Variants in HEATR5A observed in about 807,000 individuals in gnomAD.
HEATR5A encodes the protein HEAT repeat containing 5A.
In HEATR5A, 178 loss-of-function variants were observed where a neutral mutation model predicts 218.8. The observed-to-expected ratio is 0.81, with a 90% confidence interval of 0.72 to 0.92. The LOEUF (loss-of-function observed/expected upper bound fraction) is 0.92, where lower values mean the gene tolerates loss of function less well. Among genes scored for constraint, HEATR5A ranks in the 40% least tolerant of loss-of-function variants. The pLI, the probability that HEATR5A is intolerant of heterozygous loss-of-function variation, is 0.00. For synonymous variants in HEATR5A, 864 were observed against 871.6 expected, an observed-to-expected ratio of 0.99 and a Z score of 0.15; for missense variants, 2,420 against 2,418.9, an observed-to-expected ratio of 1.00 and a Z score of -0.01.
chr14:31,361,251 A>T (rs1312295059), intron 14 of HEATR5A, among the ~76,000 whole-genome samples: 1 of 152,242 alleles, frequency 6.6e-6, no homozygotes, highest in Non-Finnish European at 1.5e-5. Flanking sequence ...TCCTTTCAAG[A>T]AGGTATACAC....
At chr14:31,415,873 C>T (rs1051014297) in intron 1 of HEATR5A, among the ~76,000 whole-genome samples, 3 of 151,760 alleles carry the variant, frequency 2.0e-5, no homozygotes, top group Admixed American at 1.3e-4. Flanking sequence ...TACAGGACAA[C>T]TAAGTTACTG....
chr14:31,350,765 T>C, intron 16 of HEATR5A, 48 bp from the exon 17 acceptor site: 1 of 543,854 alleles, frequency 1.8e-6, no homozygotes, highest in South Asian at 2.0e-5. Context: ...TAAGTTTTTG[T>C]TTGTTTGTTT....
At chr14:31,349,360 G>A (rs1366397497) in intron 18 of HEATR5A, among the ~76,000 whole-genome samples, 1 of 152,050 alleles carries the variant, frequency 6.6e-6, no homozygotes, top group Non-Finnish European at 1.5e-5. Flanking sequence ...CTCCAGCCTG[G>A]GCGACAGGGT....
At chr14:31,316,435 GATA>G (rs1899914998) in intron 26 of HEATR5A, among the ~76,000 whole-genome samples, 1 of 152,166 alleles carries the variant, frequency 6.6e-6, no homozygotes, top group African/African-American at 2.4e-5. Context: ...GAAGGAGACT[GATA>G]ATGATAGTCA....
intron 17 of HEATR5A, 64 bp from the exon 18 acceptor site, chr14:31,350,043 T>A: frequency 8.8e-7 from 1 of 1,132,404 alleles, no homozygotes; most frequent in Non-Finnish European, 1.2e-6. Flanking sequence ...CAGTTAGGAA[T>A]GTACATTCTG....
Position 31,323,574 on chromosome 14 carries a change from C to A in HEATR5A, c.3778G>T (p.Asp1260Tyr). The A allele has an allele frequency of 6.3e-7, 1 of 1,597,584 alleles. No individual in the cohort carries two copies. The highest frequency in any genetic ancestry group is 1.1e-5 in the South Asian group (1 of 88,986). The change falls in exon 24 of 36, where the codon GAT becomes TAT. Residue 1260 changes from aspartate (D) to tyrosine (Y), a missense_variant. Coordinates refer to ENST00000543095, the MANE Select transcript of HEATR5A (RefSeq NM_015473.4). ...IALAQEMKKRDSRNDFLVLHL... is the reference protein window; with the variant it reads ...IALAQEMKKRYSRNDFLVLHL... ...TCACTATGTCACTTACTTCTTGAAT[C>A]TCTTTTTTTCATTTCTTGTGCTAAA... is the stretch of plus-strand genomic sequence containing the variant.
At chr14:31,319,932 G>C (rs1202803509) in intron 25 of HEATR5A, among the ~76,000 whole-genome samples, 1 of 152,062 alleles carries the variant, frequency 6.6e-6, no homozygotes, top group Non-Finnish European at 1.5e-5. Flanking sequence ...TGTAGTTACA[G>C]CTACTTCAGG....
At chr14:31,363,298 A>C (rs1901690874) in intron 14 of HEATR5A, among the ~76,000 whole-genome samples, 1 of 152,156 alleles carries the variant, frequency 6.6e-6, no homozygotes, top group South Asian at 2.1e-4. Context: ...CTATTGTAAA[A>C]ATCTGAAGGA....
chr14:31,309,252 GATATAGACC>G, intron 28 of HEATR5A, 70 bp from the exon 29 acceptor site: 1 of 1,523,752 alleles, frequency 6.6e-7, no homozygotes, highest in South Asian at 1.2e-5. Flanking sequence ...TCTGTTACAA[GATATAGACC>G]ATTTCCATCA....
intron 24 of HEATR5A, 40 bp downstream of exon 24, chr14:31,323,525 T>C: frequency 6.7e-7 from 1 of 1,502,712 alleles, no homozygotes; most frequent in Non-Finnish European, 9.0e-7. Flanking sequence ...ACAGCATTTT[T>C]ACACATATCA....
intron 33 of HEATR5A, among the ~76,000 whole-genome samples, chr14:31,298,995 C>T (rs547472464): frequency 2.3e-4 from 35 of 152,268 alleles, no homozygotes; most frequent in African/African-American, 8.2e-4. Context: ...TGACCACTCC[C>T]TCTTTATTAA....
chr14:31,344,265 ATTCT>A (rs1900941723), intron 20 of HEATR5A, among the ~76,000 whole-genome samples, 200 bp from the exon 21 acceptor site: 2 of 54,938 alleles, frequency 3.6e-5, no homozygotes, highest in Non-Finnish European at 9.3e-5. Context: ...TAGATTAGTT[ATTCT>A]TTTTTTTTTT....
intron 32 of HEATR5A, among the ~76,000 whole-genome samples, chr14:31,303,992 G>A (rs542185967): frequency 6.6e-6 from 1 of 152,092 alleles, no homozygotes; most frequent in South Asian, 2.1e-4. Flanking sequence ...GATCACTTGA[G>A]GCCAGGAGTT....
At chr14:31,337,925 C>T (rs1375166616) in intron 21 of HEATR5A, among the ~76,000 whole-genome samples, 1 of 152,076 alleles carries the variant, frequency 6.6e-6, no homozygotes, top group Non-Finnish European at 1.5e-5. Context: ...AAAAGAACTA[C>T]AATGGAAAGG....
intron 10 of HEATR5A, 99 bp from the exon 11 acceptor site, chr14:31,380,677 A>T: frequency 4.1e-6 from 3 of 724,462 alleles, no homozygotes; most frequent in Non-Finnish European, 7.0e-6. Context: ...TTCTTACATA[A>T]AATAAATGTA....
chr14:31,414,970 A>G (rs2031397627), intron 1 of HEATR5A, among the ~76,000 whole-genome samples: 1 of 152,122 alleles, frequency 6.6e-6, no homozygotes, highest in Non-Finnish European at 1.5e-5. Flanking sequence ...TCTCCTGAGT[A>G]GCTGGGATTA....
intron 1 of HEATR5A, among the ~76,000 whole-genome samples, chr14:31,410,399 T>G (rs1369334800): frequency 6.6e-6 from 1 of 152,206 alleles, no homozygotes; most frequent in East Asian, 1.9e-4. Context: ...AGCTTTCATC[T>G]AGAAGGAAGC....
chr14:31,302,575 TAAAAAG>T, intron 32 of HEATR5A, 56 bp from the exon 33 acceptor site: 1 of 1,160,460 alleles, frequency 8.6e-7, no homozygotes, highest in Non-Finnish European at 1.2e-6. Flanking sequence ...ATATGGTTTC[TAAAAAG>T]AAATCATCAA....
At chr14:31,338,358 A>C (rs1187714853) in intron 21 of HEATR5A, among the ~76,000 whole-genome samples, 1 of 152,206 alleles carries the variant, frequency 6.6e-6, no homozygotes, top group African/African-American at 2.4e-5. Context: ...AACATTCACC[A>C]AAAATGCTCT....
Sources: gnomAD v4.1 joint callset for allele counts (sites outside exome capture counted in the v4.1 genomes callset) on GRCh38, gnomAD v4.1.1 for gene constraint, MANE v1.5 for transcripts, NCBI Gene and HGNC (gene_info 2026-07-23, HGNC 2026-07-21) for gene names.